Variants in ABCC2 observed in about 807,000 individuals in gnomAD.
ABCC2 encodes ATP-binding cassette sub-family C member 2.
In ABCC2, 157 loss-of-function variants were observed where a neutral mutation model predicts 173.4. The observed-to-expected ratio is 0.91, with a 90% CI of 0.80 to 1.03. The LOEUF is 1.03. Among genes scored for constraint, ABCC2 ranks in the 50% least tolerant of loss-of-function variants. The pLI is 0.00. For missense variants in ABCC2, 1,822 were observed against 1,852.3 expected, an observed-to-expected ratio of 0.98 and a Z score of 0.30; for synonymous variants, 657 against 693.5, an observed-to-expected ratio of 0.95 and a Z score of 0.83.
chr10:99,814,074 T>C (rs558407570), intron 16 of ABCC2, among the ~76,000 whole-genome samples: 1 of 144,882 alleles, frequency 6.9e-6, no homozygotes, highest in Non-Finnish European at 1.5e-5. Context: ...TATATATATA[T>C]GTGTATGTGT....
intron 13 of ABCC2, 123 bp from the exon 14 acceptor site, chr10:99,810,011 G>A: frequency 2.3e-6 from 2 of 855,238 alleles, no homozygotes; most frequent in Admixed American, 3.9e-5. Flanking sequence ...GCTGAGTTCG[G>A]TGGAGATTAG....
rs770824435 is a variant in ABCC2 at position 99,792,239 on chromosome 10, C to T, written c.213C>T (p.Phe71=). 26 of 1,613,810 alleles carry T rather than the reference C, an allele frequency of 1.6e-5. 1 individual carries two copies. Among genetic ancestry groups the T allele is most frequent in the African/African-American group, 1.5e-4 (11 of 74,908 alleles). The stretch of plus-strand genomic sequence containing the variant: ...TGGTCTTTTTCCCTTCTCAGGTATT[C>T]GTTGGTTTTCTTCTTATTCTAGCAG... ...TTKLYLAKQV[F]VGFLLILAAI... The change falls in exon 3 of 32, where the codon TTC becomes TTT. Residue 71 remains phenylalanine (F), a synonymous_variant. Transcript: ENST00000647814.
chr10:99,820,134 G>T (rs2038506821), intron 19 of ABCC2, among the ~76,000 whole-genome samples: 1 of 152,218 alleles, frequency 6.6e-6, no homozygotes, highest in Non-Finnish European at 1.5e-5. Flanking sequence ...GCTCACGCCT[G>T]TAATCCCAGC....
At position 99,804,100 on chromosome 10, in the gene ABCC2, C is replaced by T; in HGVS notation, c.1291C>T (p.Leu431Phe). The T allele has an allele frequency of 1.2e-6, 2 of 1,614,116 alleles. No homozygotes were observed. The highest frequency in any genetic ancestry group is 2.2e-5 in the South Asian group (2 of 91,068). The change falls in exon 10 of 32, where the codon CTC becomes TTC. Residue 431 changes from leucine (L) to phenylalanine (F), a missense_variant. Leu to Phe is a conservative substitution (Grantham distance 22). Coordinates refer to ENST00000647814, the MANE Select transcript of ABCC2 (RefSeq NM_000392.5). ...CCTGATGTCTGTGGATGCCCAGAAGCTCATGGATGTGACCAACTTCATGCA... is the reference window on the plus strand; with the variant it reads ...CCTGATGTCTGTGGATGCCCAGAAGTTCATGGATGTGACCAACTTCATGCA... ...VNLMSVDAQK[L>F]MDVTNFMHML...
At position 99,815,357 on chromosome 10, in the gene ABCC2, G is replaced by A. The variant is rs903831693; in HGVS notation, c.2095-1951G>A. ...ATCCAGTCTATCATTGATGATGCCC[G>A]GCTAATTTTTGTACTTTTAGTAGAG... On this transcript the variant is annotated intron_variant, in intron 16 of 31. Transcript: ENST00000647814. Among the ~76,000 whole-genome samples the A allele has an allele frequency of 8.5e-5, 13 of 152,098 alleles. No individual in the cohort carries two copies. The South Asian group carries it at 1.9e-3, about 22-fold the overall frequency.
intron 2 of ABCC2, among the ~76,000 whole-genome samples, chr10:99,787,707 G>A (rs2037741225): frequency 6.6e-6 from 1 of 151,836 alleles, no homozygotes; most frequent in Non-Finnish European, 1.5e-5. Context: ...TTTTAATGGG[G>A]GTGTGAGTGT....
chr10:99,813,482 G>A (rs958696688), intron 16 of ABCC2, among the ~76,000 whole-genome samples: 14 of 152,146 alleles, frequency 9.2e-5, no homozygotes, highest in Admixed American at 3.3e-4. Context: ...TTGAGAGGCC[G>A]AGGCAGGCAG....
intron 30 of ABCC2, 100 bp from the exon 31 acceptor site, chr10:99,850,502 G>C (rs868533737): frequency 6.0e-6 from 7 of 1,174,892 alleles, no homozygotes; most frequent in East Asian, 2.5e-5. Flanking sequence ...TTGGAGGGGG[G>C]GTTTTGAAAG....
rs2037653470 is a variant in ABCC2 at position 99,783,599 on chromosome 10, A to C, written c.33+722A>C. On this transcript the variant is annotated intron_variant, in intron 1 of 31. Coordinates refer to ENST00000647814, the MANE Select transcript of ABCC2 (RefSeq NM_000392.5). Reference sequence around the variant, plus strand: ...GCAAACTCCTAGCCTCAGCATCAGAATCACCTGGGGCAATAAATGTAGTTT... The same window carrying C: ...GCAAACTCCTAGCCTCAGCATCAGACTCACCTGGGGCAATAAATGTAGTTT... Among the ~76,000 whole-genome samples, 5 of 152,190 alleles carry C rather than the reference A, an allele frequency of 3.3e-5. No individual in the cohort carries two copies. In the South Asian group the frequency reaches 1.0e-3, roughly 31 times the overall value.
intron 2 of ABCC2, among the ~76,000 whole-genome samples, chr10:99,788,332 A>T (rs530068411): frequency 1.3e-5 from 2 of 152,154 alleles, no homozygotes; most frequent in Non-Finnish European, 2.9e-5. Flanking sequence ...ATTTGTACCT[A>T]AGCAGCCAAA....
At position 99,850,760 on chromosome 10, in the gene ABCC2, T is replaced by G; in HGVS notation, c.4472T>G (p.Ile1491Ser). 1 of 1,614,150 alleles carries G rather than the reference T, an allele frequency of 6.2e-7. No individual in the cohort carries two copies. Among genetic ancestry groups the G allele is most frequent in the East Asian group, 2.2e-5 (1 of 44,870 alleles). ...NEFAHCTVITIAHRLHTIMDS... is the reference protein window; with the variant it reads ...NEFAHCTVITSAHRLHTIMDS... ...TTCGCCCACTGCACAGTGATCACCA[T>G]CGCCCACAGGCTGCACACCATCATG... is the stretch of plus-strand genomic sequence containing the variant. The change falls in exon 31 of 32, where the codon ATC (isoleucine) becomes AGC (serine). Residue 1491 changes from isoleucine to serine, a missense_variant. By Grantham distance (142) the Ile-to-Ser change is moderately radical (BLOSUM62 -2). Coordinates refer to ENST00000647814, the MANE Select transcript of ABCC2 (RefSeq NM_000392.5).
rs1033398374 is a variant in ABCC2, at chr10:99,830,176, T to C, written c.2621-131T>C. On this transcript the variant is annotated intron_variant, in intron 19 of 31. Transcript: ENST00000647814. ...TATGGAGTATTTATGGAGTAAAGTA[T>C]TCCATGCTGTATGTACATCTGGGAT... 38 of 1,003,322 alleles carry C rather than the reference T, an allele frequency of 3.8e-5. No homozygotes were observed. The Admixed American group carries it at 6.9e-4, about 18-fold the overall frequency. 62.2% of individuals were successfully genotyped at this position (1,003,322 alleles called of 1,614,324 possible).
Position 99,784,635 on chromosome 10 carries a change from G to C in ABCC2, c.61G>C (p.Ala21Pro). Reference protein sequence around the residue: ...WNSSFLDSPEADLPLCFEQTV... With the variant: ...WNSSFLDSPEPDLPLCFEQTV... ...TTCCTCATTCCTGGACAGTCCGGAG[G>C]CAGACCTGCCACTTTGTTTTGAGCA... Residue 21 changes from alanine (A) to proline (P), a missense_variant, in exon 2 of 32, where the codon GCA becomes CCA. Ala to Pro is a conservative substitution (Grantham distance 27). Transcript: ENST00000647814. The C allele has an allele frequency of 1.2e-6, 2 of 1,614,178 alleles. No homozygotes were observed. The highest frequency in any genetic ancestry group is 1.7e-6 in the Non-Finnish European group (2 of 1,180,034).
chr10:99,805,842 A>G (rs1215373262), intron 11 of ABCC2, among the ~76,000 whole-genome samples: 5 of 152,206 alleles, frequency 3.3e-5, no homozygotes, highest in Admixed American at 2.6e-4. Context: ...TCATTCATAA[A>G]TGCTGTGTAT....
chr10:99,846,840 C>G, intron 29 of ABCC2, 121 bp from the exon 30 acceptor site: 1 of 1,378,348 alleles, frequency 7.3e-7, no homozygotes, highest in South Asian at 1.2e-5. Context: ...AACCACAAAC[C>G]AGCTTCCTGC....
At chr10:99,797,772 A>G (rs920236695) in intron 7 of ABCC2, 1 of 215,144 alleles carries the variant, frequency 4.6e-6, no homozygotes, top group Non-Finnish European at 9.4e-6. Context: ...CTTTGAAAGT[A>G]ATAATAGCTA....
At chr10:99,836,990 A>G (rs2038833971) in intron 25 of ABCC2, among the ~76,000 whole-genome samples, 1 of 152,200 alleles carries the variant, frequency 6.6e-6, no homozygotes, top group Admixed American at 6.5e-5. Flanking sequence ...TTGTAAAGAT[A>G]TTTTATTTCT....
intron 19 of ABCC2, among the ~76,000 whole-genome samples, chr10:99,829,545 ATATTT>A (rs71009776): frequency 0.65 from 98,833 of 151,360 alleles, 32,519 homozygotes; most frequent in East Asian, 0.78. Flanking sequence ...ACTGTGTCTT[ATATTT>A]TATTTTATTT....
At chr10:99,843,572 C>G (rs559739309) in intron 26 of ABCC2, among the ~76,000 whole-genome samples, 1 of 152,356 alleles carries the variant, frequency 6.6e-6, no homozygotes, top group South Asian at 2.1e-4. Context: ...TAGACACTCA[C>G]ATTGCCCTTC....
Sources: allele counts gnomAD v4.1 joint callset (sites outside exome capture counted in the v4.1 genomes callset), GRCh38; gene constraint gnomAD v4.1.1; transcripts MANE v1.5; gene names NCBI Gene and HGNC (gene_info 2026-07-23, HGNC 2026-07-21).